The following DMTN variants were observed in gnomAD, a reference collection of about 807,000 sequenced individuals.
DMTN encodes dematin.
A neutral mutation model predicts 59.4 loss-of-function variants in DMTN; 27 were observed. The observed-to-expected ratio is 0.45, with a 90% CI of 0.33 to 0.63. DMTN has a LOEUF of 0.63. DMTN is among the 20% of genes least tolerant of loss of function. The pLI, the probability that DMTN is intolerant of heterozygous loss-of-function variation, is 0.02. For synonymous variants in DMTN, 221 were observed against 203.7 expected (o/e 1.08, Z -0.72); for missense variants, 451 against 528.9 (o/e 0.85, Z 1.45).
chr8:22,065,859 G>T (rs774317671), intron 1 of DMTN, among the ~76,000 whole-genome samples: 4 of 131,538 alleles, frequency 3.0e-5, no homozygotes, highest in African/African-American at 8.4e-5. Flanking sequence ...TTTTTTTAAC[G>T]AGGCAGGGTC....
At chr8:22,074,112 T>C (rs1262852241) in intron 10 of DMTN, among the ~76,000 whole-genome samples, 1 of 152,246 alleles carries the variant, frequency 6.6e-6, no homozygotes, top group Non-Finnish European at 1.5e-5. Flanking sequence ...AAATCTAGTC[T>C]TGTCCTCTGG....
At chr8:22,054,456 G>A (rs1801782836), upstream of DMTN, among the ~76,000 whole-genome samples, 1 of 152,102 alleles carries the variant, frequency 6.6e-6, no homozygotes, top group Non-Finnish European at 1.5e-5. Context: ...TGTGGGGCCC[G>A]CAGCCGCGTG....
At chr8:22,072,820 A>G (rs1244851885) in intron 9 of DMTN, among the ~76,000 whole-genome samples, 2 of 152,008 alleles carry the variant, frequency 1.3e-5, no homozygotes, top group East Asian at 1.9e-4. Flanking sequence ...CTCTGTAGCT[A>G]GTCGAAGGGG....
In DMTN at chr8:22,060,498, T is replaced by C. The variant is rs1164212387; in HGVS notation, c.-172+3362T>C. Among the ~76,000 whole-genome samples, 1 of 152,172 alleles carries C rather than the reference T, an allele frequency of 6.6e-6. No homozygotes were observed. The highest frequency in any genetic ancestry group is 1.5e-5 in the Non-Finnish European group (1 of 68,046). ...TCTTCTCCACCCCCATTTTCCCGGC[T>C]GGCCTTCTGACAGCTTAAAATTTAA... is the stretch of plus-strand genomic sequence containing the variant. On this transcript the variant is annotated intron_variant, in intron 1 of 15. Transcript: ENST00000358242. This position sits in a 1 kb window ranked among gnomAD's most constrained non-coding sequence, Gnocchi z 5.0.
intron 8 of DMTN, among the ~76,000 whole-genome samples, chr8:22,071,146 T>C (rs1020457965): frequency 8.5e-5 from 13 of 152,152 alleles, no homozygotes; most frequent in African/African-American, 3.1e-4. Flanking sequence ...CCCCAGGCTG[T>C]AGTGCAGTGG....
At position 22,067,753 on chromosome 8, in the gene DMTN, C is replaced by G; in HGVS notation, c.249+71C>G. 4 of 1,552,118 alleles carry G rather than the reference C, an allele frequency of 2.6e-6. No homozygotes were observed. In the Admixed American group the frequency reaches 7.4e-5, roughly 29 times the overall value. Reference sequence around the variant, plus strand: ...AGCCACACTGGGTGGGGACCGATCCCTCCCGTGCTTCCTTTCCTGGAGGTC... The same window carrying G: ...AGCCACACTGGGTGGGGACCGATCCGTCCCGTGCTTCCTTTCCTGGAGGTC... On this transcript the variant is annotated intron_variant, in intron 4 of 15. Transcript: ENST00000358242.
rs1189155153 is a variant in DMTN, at chr8:22,080,815, G to A, written c.968G>A (p.Gly323Asp). 2 of 1,603,570 alleles carry A rather than the reference G, an allele frequency of 1.2e-6. No individual in the cohort carries two copies. Among genetic ancestry groups the A allele is most frequent in the Non-Finnish European group, 1.7e-6 (2 of 1,173,338 alleles). The change falls in exon 14 of 16, where the codon GGC (glycine) becomes GAC (aspartate). Residue 323 changes from glycine (G) to aspartate (D), a missense_variant. Gly to Asp is a moderately conservative substitution (Grantham distance 94, BLOSUM62 -1). Coordinates refer to ENST00000358242, the MANE Select transcript of DMTN (RefSeq NM_001387751.1). ...CTTTGGTCTCCCCAGAACGGAGAGG[G>A]CCAGAGGGGGAGGATGGACCGGGGG... Reference protein sequence around the residue: ...TGSPGLQNGEGQRGRMDRGNS... With the variant: ...TGSPGLQNGEDQRGRMDRGNS...
intron 1 of DMTN, among the ~76,000 whole-genome samples, chr8:22,063,261 C>T (rs1807981311): frequency 6.6e-6 from 1 of 152,176 alleles, no homozygotes; most frequent in South Asian, 2.1e-4. Context: ...TAGGGTTTCT[C>T]CCATTTGCCC....
intron 4 of DMTN, among the ~76,000 whole-genome samples, chr8:22,067,998 G>T (rs1331114388): frequency 1.3e-5 from 2 of 152,188 alleles, no homozygotes; most frequent in Non-Finnish European, 2.9e-5. Context: ...TCTAGCGGAG[G>T]GACCCATGTG....
chr8:22,067,515 C>G lies in DMTN; in HGVS notation c.94-12C>G. ...TTCGGCACAGCAGTTTCACGCGCAC[C>G]TTTCCCTTCAGGCCAAGATGGACAA... On this transcript the variant is annotated splice_polypyrimidine_tract_variant and intron_variant, in intron 3 of 15. Coordinates refer to ENST00000358242, the MANE Select transcript of DMTN (RefSeq NM_001387751.1). The G allele has an allele frequency of 1.9e-6, 3 of 1,614,102 alleles. No individual in the cohort carries two copies. The highest frequency in any genetic ancestry group is 2.5e-6 in the Non-Finnish European group (3 of 1,179,974).
rs1805204854 is a variant in DMTN at position 22,060,038 on chromosome 8, G to T, written c.-172+2902G>T. 6.6e-6 allele frequency among the ~76,000 whole-genome samples: 1 copy of T among 152,108 alleles called. No homozygotes were observed. The highest frequency in any genetic ancestry group is 1.5e-5 in the Non-Finnish European group (1 of 68,018). ...AGGCAGGGACACACAGCTGGGGGAGGGTGGGGCTGAGATGGAGGGCGAGCG... is the reference window on the plus strand; with the variant it reads ...AGGCAGGGACACACAGCTGGGGGAGTGTGGGGCTGAGATGGAGGGCGAGCG... On this transcript the variant is annotated intron_variant, in intron 1 of 15. Transcript: ENST00000358242. The surrounding 1 kb of genome is among the most constrained non-coding windows in gnomAD (Gnocchi z 5.0).
chr8:22,069,393 T>C, intron 5 of DMTN, 26 bp from the exon 6 acceptor site: 1 of 1,599,408 alleles, frequency 6.3e-7, no homozygotes, highest in Non-Finnish European at 8.5e-7. Flanking sequence ...TTAGGGGCCC[T>C]GGAGCCACAC....
At chr8:22,076,793 A>T (rs988427418) in intron 10 of DMTN, among the ~76,000 whole-genome samples, 1 of 151,940 alleles carries the variant, frequency 6.6e-6, no homozygotes, top group African/African-American at 2.4e-5. Context: ...TATATATATT[A>T]GAGGGCTGGT....
chr8:22,056,689 A>C (rs575464733), upstream of DMTN, among the ~76,000 whole-genome samples: 2 of 149,770 alleles, frequency 1.3e-5, no homozygotes, highest in Non-Finnish European at 2.9e-5. Context: ...ATTGAGCTGC[A>C]GCGCTGGTGG....
Position 22,081,471 on chromosome 8 carries a change from C to A in DMTN, c.*8C>A. 2 of 1,613,284 alleles carry A rather than the reference C, an allele frequency of 1.2e-6. No homozygotes were observed. Among genetic ancestry groups the A allele is most frequent in the Non-Finnish European group, 1.7e-6 (2 of 1,179,264 alleles). ...AAGGCCTCTCTCTTCTGATGGCCCC[C>A]ACCTGCTCCGGGACGGCCCCCTTAC... On this transcript the variant is annotated 3_prime_UTR_variant, in exon 16 of 16. Coordinates refer to ENST00000358242, the MANE Select transcript of DMTN (RefSeq NM_001387751.1).
chr8:22,062,600 G>A lies in DMTN; in HGVS notation c.-171-4105G>A, dbSNP rs575158852. 2.0e-5 allele frequency among the ~76,000 whole-genome samples: 3 copies of A among 152,054 alleles called. No individual in the cohort carries two copies. The East Asian group carries it at 5.8e-4, about 29-fold the overall frequency. ...AGGCCAATCTTATCTCCTCCAAAAC[G>A]ACCCTGCCTTTCTATCACACTTCTT... On this transcript the variant is annotated intron_variant, in intron 1 of 15. Coordinates refer to ENST00000358242, the MANE Select transcript of DMTN (RefSeq NM_001387751.1).
At chr8:22,055,949 C>T (rs552267000), upstream of DMTN, among the ~76,000 whole-genome samples, 1 of 152,190 alleles carries the variant, frequency 6.6e-6, no homozygotes, top group Non-Finnish European at 1.5e-5. Flanking sequence ...GTGAGGGCTG[C>T]CTAGGTAGGC....
Position 22,066,586 on chromosome 8 carries a change from G to A in DMTN, c.-171-119G>A, listed in dbSNP as rs553645112. On this transcript the variant is annotated intron_variant, in intron 1 of 15. Transcript: ENST00000358242. ...CTCCCGTCCACGCGCGCGTTCTCCGGGGCTGAGCGGATGGGAAGCCTCAGC... is the reference window on the plus strand; with the variant it reads ...CTCCCGTCCACGCGCGCGTTCTCCGAGGCTGAGCGGATGGGAAGCCTCAGC... 1.8e-4 allele frequency: 54 copies of A among 307,442 alleles called. 1 individual carries two copies. The South Asian group carries it at 6.0e-3, about 34-fold the overall frequency. 19.0% of individuals were successfully genotyped at this position (307,442 alleles called of 1,614,324 possible). A position where few individuals can be genotyped will look rare whatever the true frequency, so the allele number is the denominator to read the frequency against.
At chr8:22,072,287 G>C in intron 8 of DMTN, 39 bp from the exon 9 acceptor site, 1 of 1,573,286 alleles carries the variant, frequency 6.4e-7, no homozygotes, top group Non-Finnish European at 8.6e-7. Flanking sequence ...TGACCCCATG[G>C]CGAGTGACTC....
Sources: allele counts gnomAD v4.1 joint callset (sites outside exome capture counted in the v4.1 genomes callset), GRCh38; gene constraint gnomAD v4.1.1; non-coding constraint Gnocchi (gnomAD v3.1); transcripts MANE v1.5; gene names NCBI Gene and HGNC (gene_info 2026-07-23, HGNC 2026-07-21).